Variants in DPP10 observed in about 807,000 individuals in gnomAD.
DPP10 encodes dipeptidyl peptidase like 10.
DPP10 carries 33 observed loss-of-function variants against 120.9 expected under a neutral mutation model. That is an observed-to-expected ratio of 0.27 (90% CI 0.21 to 0.37). The LOEUF is 0.37. DPP10 is among the 10% of genes least tolerant of loss of function. The pLI is 1.00. For synonymous variants in DPP10, 337 were observed against 326.1 expected (o/e 1.03, Z -0.36); for missense variants, 816 against 942.8 (o/e 0.87, Z 1.76).
At chr2:115,244,196 CTA>C (rs1387174433) in intron 1 of DPP10, among the ~76,000 whole-genome samples, 137 of 121,432 alleles carry the variant, frequency 1.1e-3, no homozygotes, top group African/African-American at 3.9e-3. Context: ...GTCTCAGTGT[CTA>C]TATATATATA....
intron 1 of DPP10, among the ~76,000 whole-genome samples, chr2:114,863,349 G>T (rs1689973130): frequency 6.6e-6 from 1 of 152,150 alleles, no homozygotes; most frequent in Admixed American, 6.5e-5. Flanking sequence ...TTTCCTAAAT[G>T]ATTTTCTTTA....
At chr2:115,804,674 G>T (rs914293246) in intron 19 of DPP10, among the ~76,000 whole-genome samples, 4 of 152,210 alleles carry the variant, frequency 2.6e-5, no homozygotes, top group African/African-American at 9.6e-5. Context: ...CTGCAGGTCT[G>T]TCGGAGTTTA....
chr2:115,503,298 C>T (rs1042582972), intron 4 of DPP10, among the ~76,000 whole-genome samples: 13 of 152,168 alleles, frequency 8.5e-5, no homozygotes, highest in South Asian at 6.2e-4. Context: ...CAGCTGGCTT[C>T]GATGTCATCC....
At chr2:114,463,537 G>T (rs1285248641) in intron 1 of DPP10, 3 of 152,024 alleles carry the variant, frequency 2.0e-5, no homozygotes, top group Non-Finnish European at 2.9e-5. Flanking sequence ...AGTTACTTAG[G>T]TCAACAGTCT....
chr2:115,057,315 T>C (rs1706004305), intron 1 of DPP10, among the ~76,000 whole-genome samples: 1 of 152,200 alleles, frequency 6.6e-6, no homozygotes. Context: ...AAATGCTTTC[T>C]TCTTGCATTT....
chr2:115,311,833 A>G (rs1019933375), intron 2 of DPP10, among the ~76,000 whole-genome samples: 4 of 152,030 alleles, frequency 2.6e-5, no homozygotes, highest in African/African-American at 9.7e-5. Flanking sequence ...TGGTGCAATC[A>G]TGGCTCACTG....
intron 1 of DPP10, among the ~76,000 whole-genome samples, chr2:114,498,803 T>A (rs1682900719): frequency 6.6e-6 from 1 of 152,142 alleles, no homozygotes; most frequent in Admixed American, 6.5e-5. Context: ...ACAGTTAAAT[T>A]TCAACATAAG....
chr2:115,408,237 G>C (rs1607913), intron 3 of DPP10, among the ~76,000 whole-genome samples: 4,692 of 152,124 alleles, frequency 0.031, 239 homozygotes, highest in African/African-American at 0.11. Context: ...AACTTTCCCA[G>C]GAACAGGAGA....
At chr2:115,189,933 G>A (rs1234731669) in intron 1 of DPP10, among the ~76,000 whole-genome samples, 1 of 152,096 alleles carries the variant, frequency 6.6e-6, no homozygotes, top group Non-Finnish European at 1.5e-5. Context: ...CTAACTCCTT[G>A]GACAGAGCAG....
chr2:114,898,168 AT>A (rs1693206838), intron 1 of DPP10, among the ~76,000 whole-genome samples: 1 of 152,268 alleles, frequency 6.6e-6, no homozygotes, highest in Non-Finnish European at 1.5e-5. Flanking sequence ...CTATGCAGCC[AT>A]AAGAAATGAT....
intron 1 of DPP10, among the ~76,000 whole-genome samples, chr2:115,041,047 A>G (rs945499184): frequency 2.0e-5 from 3 of 151,416 alleles, no homozygotes; most frequent in African/African-American, 7.3e-5. Context: ...TGAACCCGGG[A>G]AGCAGAGGTT....
At chr2:115,839,304 T>C (rs982215034) in intron 24 of DPP10, among the ~76,000 whole-genome samples, 4 of 152,220 alleles carry the variant, frequency 2.6e-5, no homozygotes, top group African/African-American at 9.6e-5. Flanking sequence ...GGTCTGATTA[T>C]TCAGCATTCT....
intron 1 of DPP10, among the ~76,000 whole-genome samples, chr2:114,888,142 CAAAAA>C (rs1231068172): frequency 4.5e-5 from 3 of 66,370 alleles, no homozygotes; most frequent in Non-Finnish European, 9.8e-5. Context: ...GCCTCCGTCT[CAAAAA>C]AAAAAAAAAA....
At chr2:114,623,749 G>A (rs1396775596) in intron 1 of DPP10, among the ~76,000 whole-genome samples, 1 of 152,064 alleles carries the variant, frequency 6.6e-6, no homozygotes, top group Non-Finnish European at 1.5e-5. Flanking sequence ...TAAATTGCAA[G>A]CATTAATTCA....
intron 9 of DPP10, among the ~76,000 whole-genome samples, chr2:115,745,500 T>A (rs1244000196): frequency 6.6e-6 from 1 of 150,430 alleles, no homozygotes; most frequent in Non-Finnish European, 1.5e-5. Flanking sequence ...ATGGCCCACC[T>A]CCCAAGGGTT....
At chr2:115,023,820 C>A (rs1703253659) in intron 1 of DPP10, among the ~76,000 whole-genome samples, 1 of 151,968 alleles carries the variant, frequency 6.6e-6, no homozygotes, top group African/African-American at 2.4e-5. Flanking sequence ...CAGGGGATAA[C>A]ACTCAGCCAT....
intron 5 of DPP10, among the ~76,000 whole-genome samples, chr2:115,595,164 T>G (rs2082911117): frequency 6.6e-6 from 1 of 152,058 alleles, no homozygotes; most frequent in African/African-American, 2.4e-5. Flanking sequence ...AGCAAAAACA[T>G]TTATGCTTTG....
intron 7 of DPP10, among the ~76,000 whole-genome samples, chr2:115,706,742 A>G (rs980736734): frequency 1.3e-5 from 2 of 151,970 alleles, no homozygotes; most frequent in African/African-American, 4.8e-5. Flanking sequence ...TATCTACCAC[A>G]AGATGTGAAC....
intron 3 of DPP10, among the ~76,000 whole-genome samples, chr2:115,423,027 C>T (rs1373553847): frequency 1.3e-5 from 2 of 151,728 alleles, no homozygotes; most frequent in East Asian, 3.9e-4. Flanking sequence ...GTGAATATGA[C>T]ATTTAAATAG....
Sources: gnomAD v4.1 joint callset for allele counts (sites outside exome capture counted in the v4.1 genomes callset) on GRCh38, gnomAD v4.1.1 for gene constraint, MANE v1.5 for transcripts, NCBI Gene and HGNC (gene_info 2026-07-23, HGNC 2026-07-21) for gene names.